DEUP1: variants seen among roughly 807,000 people sequenced by gnomAD.
DEUP1 encodes the protein coiled-coil domain containing 67.
A neutral mutation model predicts 87.4 loss-of-function variants in DEUP1; 82 were observed. The ratio of observed to expected loss-of-function variants is 0.94; its 90% CI spans 0.78 to 1.13. DEUP1 has a LOEUF of 1.13. Ranked by LOEUF, DEUP1 falls within the 50% of genes most tolerant of loss-of-function variation. The probability of loss-of-function intolerance (pLI) is 0.00; values close to 1 mark genes in which losing one functional copy is unlikely to be tolerated. For missense variants in DEUP1, 663 were observed against 681.5 expected (o/e 0.97, Z 0.30); for synonymous variants, 214 against 222.7 (o/e 0.96, Z 0.35).
intron 11 of DEUP1, among the ~76,000 whole-genome samples, chr11:93,407,310 CA>C (rs1947308144): frequency 6.6e-6 from 1 of 151,868 alleles, no homozygotes. Context: ...AATACTTATA[CA>C]AGTTTGTAGC....
intron 11 of DEUP1, among the ~76,000 whole-genome samples, chr11:93,399,282 A>G (rs1034832371): frequency 2.0e-5 from 3 of 151,912 alleles, no homozygotes; most frequent in Non-Finnish European, 4.4e-5. Context: ...GTGGGATATA[A>G]AATGGAAACC....
At chr11:93,383,578 C>A (rs1351429617) in intron 7 of DEUP1, 1 of 662,986 alleles carries the variant, frequency 1.5e-6, no homozygotes, top group Non-Finnish European at 2.8e-6. Flanking sequence ...TTGAAAACTG[C>A]TGGATTGTAC....
Position 93,332,188 on chromosome 11 carries a change from G to A in DEUP1, c.-44-28G>A. On this transcript the variant is annotated intron_variant, in intron 1 of 13. Coordinates refer to ENST00000298050, the MANE Select transcript of DEUP1 (RefSeq NM_181645.4). ...TAGGTTAAAGAATATAAACATTTTA[G>A]GAACTTGTATCATTTTCCTCCTAAC... The A allele has an allele frequency of 1.6e-5, 23 of 1,406,308 alleles. No homozygotes were observed. In the South Asian group the frequency reaches 2.7e-4, roughly 16 times the overall value. 87.1% of individuals were successfully genotyped at this position (1,406,308 alleles called of 1,614,324 possible).
chr11:93,433,504 A>G (rs764469425), intron 13 of DEUP1, among the ~76,000 whole-genome samples: 13 of 152,234 alleles, frequency 8.5e-5, no homozygotes, highest in Non-Finnish European at 1.9e-4. Flanking sequence ...TGGGCAATAG[A>G]GCAAGACACT....
At chr11:93,384,372 C>G (rs1946438429) in intron 7 of DEUP1, among the ~76,000 whole-genome samples, 1 of 152,208 alleles carries the variant, frequency 6.6e-6, no homozygotes, top group African/African-American at 2.4e-5. Flanking sequence ...ATAAACTTGT[C>G]TGCATTCCAT....
At chr11:93,383,761 G>C (rs1414680383) in intron 7 of DEUP1, among the ~76,000 whole-genome samples, 1 of 152,068 alleles carries the variant, frequency 6.6e-6, no homozygotes, top group African/African-American at 2.4e-5. Flanking sequence ...TAGCAGAGAA[G>C]ACCCTTGCCC....
intron 7 of DEUP1, among the ~76,000 whole-genome samples, chr11:93,380,548 C>T (rs892636585): frequency 2.0e-5 from 3 of 151,842 alleles, no homozygotes; most frequent in Non-Finnish European, 2.9e-5. Context: ...CTACAGGTGC[C>T]GGCCACCATG....
chr11:93,418,191 T>G (rs1947716452), intron 13 of DEUP1, among the ~76,000 whole-genome samples: 1 of 151,936 alleles, frequency 6.6e-6, no homozygotes, highest in South Asian at 2.1e-4. Flanking sequence ...GGGATCTAAT[T>G]AAACTAAAGA....
chr11:93,331,364 A>C (rs1943470228), intron 1 of DEUP1, among the ~76,000 whole-genome samples: 1 of 136,414 alleles, frequency 7.3e-6, no homozygotes, highest in African/African-American at 2.7e-5. Flanking sequence ...TACTGAGAAA[A>C]ACTTTTTTTT....
chr11:93,370,005 A>G, intron 5 of DEUP1, 68 bp from the exon 6 acceptor site: 1 of 734,720 alleles, frequency 1.4e-6, no homozygotes, highest in Non-Finnish European at 2.3e-6. Context: ...AAATGAAAGA[A>G]GCCTTATTTG....
chr11:93,338,132 T>C (rs116856767), intron 2 of DEUP1, among the ~76,000 whole-genome samples: 1,729 of 152,120 alleles, frequency 0.011, 22 homozygotes, highest in South Asian at 0.075. Context: ...AAAGAAGCAG[T>C]CTCATTGGAC....
intron 4 of DEUP1, among the ~76,000 whole-genome samples, chr11:93,362,576 A>G (rs139862293): frequency 1.3e-3 from 191 of 152,044 alleles, no homozygotes; most frequent in African/African-American, 4.4e-3. Context: ...ATATGGAGAC[A>G]TTGTAACCCA....
intron 13 of DEUP1, among the ~76,000 whole-genome samples, chr11:93,436,207 A>G (rs1394789227): frequency 1.3e-5 from 2 of 152,180 alleles, no homozygotes; most frequent in Non-Finnish European, 2.9e-5. Flanking sequence ...GAGTACATAC[A>G]TCTTTCCATC....
chr11:93,354,666 G>A (rs961776778), intron 2 of DEUP1, among the ~76,000 whole-genome samples: 1 of 152,244 alleles, frequency 6.6e-6, no homozygotes, highest in South Asian at 2.1e-4. Context: ...AGAAAATGAG[G>A]AAGAAGCAAA....
chr11:93,408,685 T>C (rs998155448), intron 12 of DEUP1, among the ~76,000 whole-genome samples: 3 of 152,162 alleles, frequency 2.0e-5, no homozygotes, highest in African/African-American at 7.2e-5. Context: ...TGAGGTGGTA[T>C]ACAAAACATA....
intron 2 of DEUP1, among the ~76,000 whole-genome samples, chr11:93,350,251 A>C (rs1218014998): frequency 1.3e-5 from 2 of 152,210 alleles, no homozygotes; most frequent in Admixed American, 6.5e-5. Flanking sequence ...AATATTGAAC[A>C]CTGACAAAAG....
At chr11:93,331,121 C>CAATAAATGA (rs1943450459) in intron 1 of DEUP1, among the ~76,000 whole-genome samples, 1 of 152,168 alleles carries the variant, frequency 6.6e-6, no homozygotes. Flanking sequence ...TCTGCTCCTT[C>CAATAAATGA]TGGTCAAGTT....
chr11:93,405,451 C>A (rs1417916757), intron 11 of DEUP1, among the ~76,000 whole-genome samples: 1 of 151,892 alleles, frequency 6.6e-6, no homozygotes, highest in Non-Finnish European at 1.5e-5. Context: ...CTTCCTTTTT[C>A]AAAGAGCACC....
At chr11:93,370,471 T>C (rs1945661733) in intron 6 of DEUP1, among the ~76,000 whole-genome samples, 1 of 152,246 alleles carries the variant, frequency 6.6e-6, no homozygotes, top group African/African-American at 2.4e-5. Flanking sequence ...TTACGATTGC[T>C]TGCTTTACTT....
Sources: gnomAD v4.1 joint callset for allele counts (sites outside exome capture counted in the v4.1 genomes callset) on GRCh38, gnomAD v4.1.1 for gene constraint, MANE v1.5 for transcripts, NCBI Gene and HGNC (gene_info 2026-07-23, HGNC 2026-07-21) for gene names.